COL9A1: variants seen among roughly 807,000 people sequenced by gnomAD.
COL9A1 encodes collagen alpha-1(IX) chain.
COL9A1 carries 104 observed loss-of-function variants against 142.6 expected under a neutral mutation model. That is an observed-to-expected ratio of 0.73 (90% CI 0.62 to 0.86). COL9A1 has a LOEUF of 0.86. COL9A1 is among the 40% of genes least tolerant of loss of function. The pLI is 0.00. For missense variants in COL9A1, 1,210 were observed against 1,176.6 expected, an observed-to-expected ratio of 1.03 and a Z score of -0.42; for synonymous variants, 466 against 396.0, an observed-to-expected ratio of 1.18 and a Z score of -2.10.
intron 7 of COL9A1, among the ~76,000 whole-genome samples, chr6:70,281,933 G>A (rs1773191939): frequency 1.3e-5 from 2 of 152,120 alleles, no homozygotes; most frequent in Admixed American, 6.5e-5. Context: ...GAGGCGGGGC[G>A]TACACTTGAG....
chr6:70,227,375 T>C (rs1487189846), intron 36 of COL9A1, among the ~76,000 whole-genome samples: 2 of 119,586 alleles, frequency 1.7e-5, no homozygotes, highest in Non-Finnish European at 1.7e-5. Flanking sequence ...CTCTTAAATA[T>C]ATGAAAAATT....
chr6:70,218,209 A>G (rs1188195726), intron 37 of COL9A1, among the ~76,000 whole-genome samples: 4 of 152,252 alleles, frequency 2.6e-5, no homozygotes, highest in Non-Finnish European at 5.9e-5. Context: ...TATTACAATT[A>G]TTAAGATATT....
intron 18 of COL9A1, among the ~76,000 whole-genome samples, chr6:70,266,018 A>G (rs1407873588): frequency 6.6e-6 from 1 of 152,174 alleles, no homozygotes; most frequent in African/African-American, 2.4e-5. Context: ...AATATTATCA[A>G]ATTTACCAAG....
intron 13 of COL9A1, 34 bp from the exon 14 acceptor site, chr6:70,271,742 A>G: frequency 1.9e-6 from 3 of 1,588,442 alleles, no homozygotes; most frequent in South Asian, 1.1e-5. Context: ...ATGGTCATTT[A>G]TGAATATTTT....
At chr6:70,294,020 A>C in intron 5 of COL9A1, 147 bp downstream of exon 5, 1 of 1,101,014 alleles carries the variant, frequency 9.1e-7, no homozygotes. Context: ...GCTCCTCAAG[A>C]CCAGAAGCTA....
intron 12 of COL9A1, 90 bp downstream of exon 12, chr6:70,273,957 A>T (rs1171100269): frequency 1.6e-6 from 1 of 635,782 alleles, no homozygotes; most frequent in Non-Finnish European, 2.3e-6. Flanking sequence ...ATAAATAAAT[A>T]AATAAATAAA....
At chr6:70,264,772 T>A (rs1771908844) in intron 18 of COL9A1, among the ~76,000 whole-genome samples, 1 of 152,098 alleles carries the variant, frequency 6.6e-6, no homozygotes, top group African/African-American at 2.4e-5. Flanking sequence ...TTTGCATAAG[T>A]ATTGACCTGC....
chr6:70,290,799 A>G (rs900509787), intron 5 of COL9A1, among the ~76,000 whole-genome samples: 7 of 152,196 alleles, frequency 4.6e-5, no homozygotes, highest in Non-Finnish European at 1.0e-4. Context: ...AAAGTATTCA[A>G]TTAATGTAGA....
chr6:70,281,319 C>T, intron 8 of COL9A1, 71 bp downstream of exon 8: 1 of 1,452,456 alleles, frequency 6.9e-7, no homozygotes, highest in Non-Finnish European at 9.5e-7. Context: ...AAAAACCCCA[C>T]AGGAGCCCTG....
intron 31 of COL9A1, 71 bp downstream of exon 31, chr6:70,241,348 C>T: frequency 1.6e-6 from 2 of 1,240,846 alleles, no homozygotes; most frequent in African/African-American, 1.5e-5. Flanking sequence ...ATAAACCAGC[C>T]ATTCCCCCTT....
intron 28 of COL9A1, among the ~76,000 whole-genome samples, chr6:70,243,365 T>G (rs1770387175): frequency 6.6e-6 from 1 of 152,210 alleles, no homozygotes; most frequent in Admixed American, 6.5e-5. Flanking sequence ...TTTTATTTTG[T>G]GAACCTACTT....
At position 70,294,296 on chromosome 6, in the gene COL9A1, C is replaced by A. The variant is rs1296736202; in HGVS notation, c.567G>T (p.Arg189Ser). The change falls in exon 5 of 38, where the codon AGG (arginine) becomes AGT (serine). Residue 189 changes from arginine to serine, a missense_variant. Coordinates refer to ENST00000357250, the MANE Select transcript of COL9A1 (RefSeq NM_001851.6). ...AGTCAACAAAAAGAGTAGCACTACT[C>A]CTCTCCACGCCAATCATGATCTTAT... Reference protein sequence around the residue: ...QWHKIMIGVERSSATLFVDCN... With the variant: ...QWHKIMIGVESSSATLFVDCN... 1.9e-6 allele frequency: 3 copies of A among 1,614,026 alleles called. No homozygotes were observed. Among genetic ancestry groups the A allele is most frequent in the Admixed American group, 3.3e-5 (2 of 60,008 alleles).
At chr6:70,240,827 CAGTG>C in intron 31 of COL9A1, 94 bp from the exon 32 acceptor site, 1 of 942,838 alleles carries the variant, frequency 1.1e-6, no homozygotes, top group Non-Finnish European at 1.8e-6. Flanking sequence ...TAAGTGCCCA[CAGTG>C]TTCCCAGAAT....
In COL9A1 at chr6:70,264,400, GT is replaced by G. The variant is rs543234624; in HGVS notation, c.1342-1104del. Among the ~76,000 whole-genome samples the G allele has an allele frequency of 6.4e-3, 974 of 151,960 alleles. 9 individuals carry two copies. Among genetic ancestry groups the G allele is most frequent in the Non-Finnish European group, 0.011 (717 of 67,838 alleles). ...CAAATTATGAGAGTCATACATATTGGTTTTAGCCTCATAATTATATTCAGAT... is the reference window on the plus strand; with the variant it reads ...CAAATTATGAGAGTCATACATATTGGTTTAGCCTCATAATTATATTCAGAT... On this transcript the variant is annotated intron_variant, in intron 18 of 37. Transcript: ENST00000357250.
chr6:70,234,109 G>A (rs1370591977), intron 35 of COL9A1, among the ~76,000 whole-genome samples: 2 of 152,108 alleles, frequency 1.3e-5, no homozygotes, highest in African/African-American at 4.8e-5. Flanking sequence ...CTTCCTATGG[G>A]CATGGAGTCT....
At chr6:70,249,181 G>GTTTTTTTTTTTTTTTTTTTTTT in intron 28 of COL9A1, among the ~76,000 whole-genome samples, 1 of 151,746 alleles carries the variant, frequency 6.6e-6, no homozygotes, top group Admixed American at 6.6e-5. Context: ...ATCCACTGAA[G>GTTTTTTTTTTTTTTTTTTTTTT]ATTTTTAAAT....
chr6:70,252,249 A>G lies in COL9A1; in HGVS notation c.1818+13T>C. 1 of 1,614,094 alleles carries G rather than the reference A, an allele frequency of 6.2e-7. No homozygotes were observed. Among genetic ancestry groups the G allele is most frequent in the Non-Finnish European group, 8.5e-7 (1 of 1,179,946 alleles). On this transcript the variant is annotated intron_variant, in intron 27 of 37. Coordinates refer to ENST00000357250, the MANE Select transcript of COL9A1 (RefSeq NM_001851.6). ...CAGGTTAGAACTTCAGGAGAGGTAA[A>G]ATGGTGTCTTACCGGTTTGCCTGAA... is the stretch of plus-strand genomic sequence containing the variant.
At chr6:70,260,108 C>A (rs998450822) in intron 20 of COL9A1, among the ~76,000 whole-genome samples, 5 of 152,090 alleles carry the variant, frequency 3.3e-5, no homozygotes, top group Admixed American at 2.0e-4. Context: ...ATGTAACAAC[C>A]TTGTTTACTC....
At chr6:70,281,283 A>G in intron 8 of COL9A1, 107 bp downstream of exon 8, 1 of 1,067,088 alleles carries the variant, frequency 9.4e-7, no homozygotes, top group Non-Finnish European at 1.4e-6. Context: ...CAGGAAGGGG[A>G]GACCCTGGTC....
Sources: allele counts gnomAD v4.1 joint callset (sites outside exome capture counted in the v4.1 genomes callset), GRCh38; gene constraint gnomAD v4.1.1; transcripts MANE v1.5; gene names NCBI Gene and HGNC (gene_info 2026-07-23, HGNC 2026-07-21).